Variants in AP2S1 observed in about 807,000 individuals in gnomAD.
The protein encoded by AP2S1 is AP-2 complex subunit sigma.
AP2S1 carries 6 observed loss-of-function variants against 21.0 expected under a neutral mutation model. That is an observed-to-expected ratio of 0.29 (90% confidence interval 0.16 to 0.56). AP2S1 has a LOEUF of 0.56. Ranked by LOEUF, AP2S1 falls within the 20% of genes least tolerant of loss-of-function variation. The pLI is 0.92. For missense variants in AP2S1, 60 were observed against 186.2 expected (o/e 0.32, Z 3.95); for synonymous variants, 63 against 74.6 (o/e 0.84, Z 0.80).
At chr19:46,840,332 T>C (rs2055494577) in intron 2 of AP2S1, among the ~76,000 whole-genome samples, 1 of 142,470 alleles carries the variant, frequency 7.0e-6, no homozygotes, top group Admixed American at 7.6e-5. Flanking sequence ...GAAAATCCAG[T>C]TCAGTTCTAT....
At chr19:46,839,151 G>A (rs574732622) in intron 3 of AP2S1, among the ~76,000 whole-genome samples, 3 of 151,918 alleles carry the variant, frequency 2.0e-5, no homozygotes, top group African/African-American at 4.8e-5. Context: ...GCTGGGCATC[G>A]TGGCGTGTGC....
chr19:46,840,765 TGGAGAGCAGTGGCTCGATCTC>T (rs2122765654), intron 2 of AP2S1, among the ~76,000 whole-genome samples: 1 of 138,358 alleles, frequency 7.2e-6, no homozygotes, highest in South Asian at 2.4e-4. Context: ...ACGCCCAGGC[TGGAGAGCAGTGGCTCGATCTC>T]GGCTCACTGC....
At chr19:46,843,084 C>T (rs1031277739) in intron 2 of AP2S1, among the ~76,000 whole-genome samples, 1 of 152,210 alleles carries the variant, frequency 6.6e-6, no homozygotes, top group African/African-American at 2.4e-5. Context: ...CTGCCCTTCC[C>T]ATCTGCCCAT....
At chr19:46,849,102 T>G (rs1477600946) in intron 1 of AP2S1, among the ~76,000 whole-genome samples, 2 of 147,066 alleles carry the variant, frequency 1.4e-5, no homozygotes, top group Non-Finnish European at 3.0e-5. Context: ...GCCTCCCGGG[T>G]TCAAGCGATT....
At chr19:46,840,260 T>C (rs1261219961) in intron 2 of AP2S1, among the ~76,000 whole-genome samples, 2 of 148,464 alleles carry the variant, frequency 1.3e-5, no homozygotes, top group Admixed American at 7.0e-5. Context: ...GCGTGTTAAG[T>C]AGACAAAGAC....
At chr19:46,840,367 C>CAAAAAAA (rs60907407) in intron 2 of AP2S1, among the ~76,000 whole-genome samples, 6 of 100,416 alleles carry the variant, frequency 6.0e-5, no homozygotes, top group Admixed American at 5.3e-4. Context: ...AGGTTCATTA[C>CAAAAAAA]AAAAAAAAAA....
Position 46,839,313 on chromosome 19 carries a change from A to G in AP2S1, c.267+152T>C, listed in dbSNP as rs10410360. 20 of 711,296 alleles carry G rather than the reference A, an allele frequency of 2.8e-5. No individual in the cohort carries two copies. In the East Asian group the frequency reaches 4.1e-4, roughly 14 times the overall value. 44.1% of individuals were successfully genotyped at this position (711,296 alleles called of 1,614,324 possible). On this transcript the variant is annotated intron_variant, in intron 3 of 4. Coordinates refer to ENST00000263270, the MANE Select transcript of AP2S1 (RefSeq NM_004069.6). ...AAAAAAAAAAAAAAAAAAAAAAAAA[A>G]AAAAGAAAAAGAAAAAAAAGAAATG...
intron 2 of AP2S1, among the ~76,000 whole-genome samples, chr19:46,844,121 G>T (rs2055576849): frequency 6.6e-6 from 1 of 151,928 alleles, no homozygotes; most frequent in East Asian, 1.9e-4. Flanking sequence ...ATGTTGGTCA[G>T]GCTGGTCTCC....
chr19:46,849,164 C>A (rs1398708265), intron 1 of AP2S1, among the ~76,000 whole-genome samples: 1 of 151,540 alleles, frequency 6.6e-6, no homozygotes, highest in Non-Finnish European at 1.5e-5. Context: ...CACCACCACA[C>A]CTGGCTTATT....
intron 1 of AP2S1, among the ~76,000 whole-genome samples, chr19:46,849,707 C>T (rs902028985): frequency 1.3e-5 from 2 of 152,084 alleles, no homozygotes; most frequent in African/African-American, 4.8e-5. Flanking sequence ...CCTTCCCTGT[C>T]TCCAATCCCC....
At chr19:46,850,434 G>A in intron 1 of AP2S1, 1 of 836,620 alleles carries the variant, frequency 1.2e-6, no homozygotes. Context: ...CACCTCCAAT[G>A]CCTTCTCGCT....
At position 46,838,171 on chromosome 19, in the gene AP2S1, G is replaced by A; in HGVS notation, c.*276C>T. On this transcript the variant is annotated 3_prime_UTR_variant, in exon 5 of 5. Coordinates refer to ENST00000263270, the MANE Select transcript of AP2S1 (RefSeq NM_004069.6). The surrounding 1 kb of genome is among the most constrained non-coding windows in gnomAD (Gnocchi z 4.1). ...CAAGGGCTCAAAGACGGCAAGGCCA[G>A]GCAGGACCACAGGTTTATTGGGGAC... 2.1e-6 allele frequency: 1 copy of A among 473,056 alleles called. No homozygotes were observed. The highest frequency in any genetic ancestry group is 3.7e-5 in the East Asian group (1 of 26,790). 29.3% of individuals were successfully genotyped at this position (473,056 alleles called of 1,614,324 possible). A position where few individuals can be genotyped will look rare whatever the true frequency, so the allele number is the denominator to read the frequency against.
intron 2 of AP2S1, among the ~76,000 whole-genome samples, chr19:46,845,414 T>A (rs199764205): frequency 4.2e-5 from 1 of 23,944 alleles, no homozygotes; most frequent in Non-Finnish European, 9.5e-5. Flanking sequence ...TCAAAAAAAG[T>A]AATTAATTAA....
intron 3 of AP2S1, among the ~76,000 whole-genome samples, 160 bp downstream of exon 3, chr19:46,839,305 A>G (rs1322162540): frequency 1.7e-4 from 20 of 116,052 alleles, no homozygotes; most frequent in South Asian, 6.0e-4. Context: ...AAAAAAAAAA[A>G]AAAAAAAAAA....
chr19:46,845,970 A>C, intron 2 of AP2S1, 23 bp downstream of exon 2: 1 of 1,613,872 alleles, frequency 6.2e-7, no homozygotes, highest in Non-Finnish European at 8.5e-7. Context: ...AGCGGGGTGC[A>C]GGAGGCATGG....
chr19:46,840,719 C>CTT, intron 2 of AP2S1, among the ~76,000 whole-genome samples: 3 of 115,740 alleles, frequency 2.6e-5, no homozygotes, highest in Admixed American at 1.1e-4. Context: ...CAGTCTTCGG[C>CTT]ATTTTTTTTT....
At chr19:46,845,294 T>A (rs2055609535) in intron 2 of AP2S1, among the ~76,000 whole-genome samples, 1 of 150,792 alleles carries the variant, frequency 6.6e-6, no homozygotes, top group South Asian at 2.1e-4. Context: ...TAATCCCAGC[T>A]ATTTGGGAGG....
chr19:46,842,684 GT>G (rs2055544984), intron 2 of AP2S1, among the ~76,000 whole-genome samples: 1 of 151,950 alleles, frequency 6.6e-6, no homozygotes, highest in Non-Finnish European at 1.5e-5. Flanking sequence ...TAGCAGCAAG[GT>G]GCCCACACAG....
Position 46,838,600 on chromosome 19 carries a change from C to T in AP2S1, c.328-52G>A, listed in dbSNP as rs756023462. On this transcript the variant is annotated intron_variant, in intron 4 of 4. Coordinates refer to ENST00000263270, the MANE Select transcript of AP2S1 (RefSeq NM_004069.6). This position sits in a 1 kb window ranked among gnomAD's most constrained non-coding sequence, Gnocchi z 4.1. ...GACGAGGCCCCCCAGGATGCTGGCC[C>T]GGACCCTGGAAGCTGGGGCTCTGAT... The T allele has an allele frequency of 4.4e-6, 7 of 1,601,910 alleles. No individual in the cohort carries two copies. The highest frequency in any genetic ancestry group is 3.3e-5 in the South Asian group (3 of 90,786).
Sources: gnomAD v4.1 joint callset for allele counts (sites outside exome capture counted in the v4.1 genomes callset) on GRCh38, gnomAD v4.1.1 for gene constraint, Gnocchi (gnomAD v3.1) non-coding constraint, MANE v1.5 for transcripts, NCBI Gene and HGNC (gene_info 2026-07-23, HGNC 2026-07-21) for gene names.